Variants in HEG1 observed in about 807,000 individuals in gnomAD.
HEG1 encodes the protein heart development protein with EGF like domains 1, also known as protein HEG homolog 1.
A neutral mutation model predicts 125.6 loss-of-function variants in HEG1; 56 were observed. That is an observed-to-expected ratio of 0.45 (90% CI 0.36 to 0.56). The LOEUF (loss-of-function observed/expected upper bound fraction) is 0.56, where lower values mean the gene tolerates loss of function less well. HEG1 is among the 20% of genes least tolerant of loss of function. The probability of loss-of-function intolerance (pLI) is 0.00; values close to 1 mark genes in which losing one functional copy is unlikely to be tolerated. For missense variants in HEG1, 1,523 were observed against 1,670.0 expected (o/e 0.91, Z 1.53); for synonymous variants, 644 against 668.5 (o/e 0.96, Z 0.57).
chr3:124,991,125 C>A, intron 12 of HEG1, 139 bp from the exon 13 acceptor site: 1 of 646,660 alleles, frequency 1.5e-6, no homozygotes, highest in Non-Finnish European at 2.7e-6. Context: ...ATGATCCTCA[C>A]TTAAATACTG....
intron 15 of HEG1, among the ~76,000 whole-genome samples, chr3:124,976,840 T>C (rs6790780): frequency 0.35 from 53,648 of 152,028 alleles, 10,368 homozygotes; most frequent in African/African-American, 0.51. Flanking sequence ...CTTCATCTTC[T>C]TCCAGGAGTG....
intron 1 of HEG1, among the ~76,000 whole-genome samples, chr3:125,051,044 G>A (rs573401348): frequency 2.0e-4 from 31 of 152,338 alleles, no homozygotes; most frequent in African/African-American, 6.7e-4. Context: ...GTTCCCAGGA[G>A]AGGGCCCATT....
intron 12 of HEG1, among the ~76,000 whole-genome samples, chr3:124,992,994 A>G (rs943745073): frequency 6.6e-6 from 1 of 152,224 alleles, no homozygotes. Context: ...CTTTGCTACA[A>G]TACCACTCAG....
At chr3:124,999,992 C>T (rs1414124128) in intron 11 of HEG1, among the ~76,000 whole-genome samples, 2 of 152,194 alleles carry the variant, frequency 1.3e-5, no homozygotes, top group African/African-American at 2.4e-5. Flanking sequence ...CAGCACTGCC[C>T]TTATGCTGGA....
At chr3:124,989,028 T>A (rs999817561) in intron 14 of HEG1, among the ~76,000 whole-genome samples, 4 of 152,200 alleles carry the variant, frequency 2.6e-5, no homozygotes, top group African/African-American at 9.6e-5. Context: ...GAGGCTATCT[T>A]CTGTAACCTC....
intron 14 of HEG1, among the ~76,000 whole-genome samples, chr3:124,986,770 CAGAG>C (rs1326355704): frequency 5.9e-5 from 9 of 152,156 alleles, no homozygotes; most frequent in Non-Finnish European, 1.2e-4. Context: ...TCTGAGGAAT[CAGAG>C]AGAAATCTTG....
intron 8 of HEG1, among the ~76,000 whole-genome samples, chr3:125,006,956 T>C (rs575692408): frequency 1.6e-4 from 25 of 151,966 alleles, no homozygotes; most frequent in African/African-American, 5.8e-4. Flanking sequence ...TCCCAGCACT[T>C]TGGGAGGCCG....
intron 1 of HEG1, among the ~76,000 whole-genome samples, chr3:125,044,535 G>A (rs539123216): frequency 3.0e-4 from 46 of 152,210 alleles, no homozygotes; most frequent in South Asian, 2.7e-3. Context: ...CCATCCTCAC[G>A]ACAGCCTTAT....
chr3:125,051,359 G>A (rs1480021551), intron 1 of HEG1, among the ~76,000 whole-genome samples: 1 of 152,198 alleles, frequency 6.6e-6, no homozygotes, highest in Non-Finnish European at 1.5e-5. Flanking sequence ...ATGATGAGCA[G>A]GAGAGGATCT....
chr3:125,018,834 G>A (rs945146668), intron 5 of HEG1, among the ~76,000 whole-genome samples: 9 of 151,586 alleles, frequency 5.9e-5, no homozygotes, highest in African/African-American at 2.2e-4. Flanking sequence ...GAAGGTGGAG[G>A]GGCCTGAGGA....
rs1203862825 is a variant in HEG1 at position 124,990,985 on chromosome 3, T to C, written c.3654A>G (p.Ala1218=). The change falls in exon 13 of 17, where the codon GCA becomes GCG. Residue 1218 remains alanine (A), a splice_region_variant and synonymous_variant. Coordinates refer to ENST00000311127, the MANE Select transcript of HEG1 (RefSeq NM_020733.2). ...TTTCAAGCCTATATCCATCTTCACA[T>C]GCTGAAAGACAAAAGGAAAATGCAT... ...QFNKMDHSCR[A]CEDGYRLENE... The C allele has an allele frequency of 1.3e-6, 2 of 1,556,796 alleles. No individual in the cohort carries two copies. The highest frequency in any genetic ancestry group is 1.9e-5 in the Admixed American group (1 of 51,512).
intron 5 of HEG1, chr3:125,015,114 C>T (rs1937225936): frequency 1.3e-6 from 1 of 768,638 alleles, no homozygotes; most frequent in African/African-American, 1.8e-5. Context: ...AAGACGCTCC[C>T]CTGTACTTTT....
rs140238653 is a variant in HEG1, at chr3:124,983,605, G to C, written c.3734-5659C>G. Among the ~76,000 whole-genome samples, 302 of 152,038 alleles carry C rather than the reference G, an allele frequency of 2.0e-3. 2 individuals are homozygous for C. The highest frequency in any genetic ancestry group is 7.0e-3 in the African/African-American group (289 of 41,452). ...CCGCCTCGGCCTCCTAAAGTGCTGG[G>C]ATTACAGGTGTGAGCCACCGCACTC... On this transcript the variant is annotated intron_variant, in intron 14 of 16. Coordinates refer to ENST00000311127, the MANE Select transcript of HEG1 (RefSeq NM_020733.2).
chr3:125,002,659 C>T (rs6795558), intron 9 of HEG1, among the ~76,000 whole-genome samples: 57,977 of 152,062 alleles, frequency 0.38, 12,745 homozygotes, highest in African/African-American at 0.61. Flanking sequence ...TATTTGGACT[C>T]TGCATAGTGA....
At chr3:125,014,531 G>A (rs1166836244) in intron 5 of HEG1, among the ~76,000 whole-genome samples, 1 of 152,176 alleles carries the variant, frequency 6.6e-6, no homozygotes, top group Non-Finnish European at 1.5e-5. Context: ...TGGAGGGCTG[G>A]GGGTGGGAAC....
intron 1 of HEG1, among the ~76,000 whole-genome samples, chr3:125,043,686 C>T (rs768661156): frequency 9.2e-5 from 14 of 152,158 alleles, no homozygotes; most frequent in Non-Finnish European, 1.8e-4. Flanking sequence ...TCCCAGTCCC[C>T]TCTGGACGCG....
At chr3:125,026,579 A>G (rs1049776026) in intron 3 of HEG1, among the ~76,000 whole-genome samples, 2 of 152,120 alleles carry the variant, frequency 1.3e-5, no homozygotes, top group Non-Finnish European at 2.9e-5. Flanking sequence ...AAAAATGTAC[A>G]CTCATGTTTT....
At chr3:125,017,305 T>G (rs1423664883) in intron 5 of HEG1, among the ~76,000 whole-genome samples, 4 of 152,248 alleles carry the variant, frequency 2.6e-5, no homozygotes, top group Non-Finnish European at 5.9e-5. Flanking sequence ...TTCACCCGCC[T>G]TGACCTCCCA....
At position 124,966,122 on chromosome 3, in the gene HEG1, C is replaced by T. The variant is rs10934704; in HGVS notation, c.*4530G>A. The stretch of plus-strand genomic sequence containing the variant: ...GGATTAGTTTCCCAGGCAGAACTGA[C>T]TCCATCCCATCCCTGGCCTATCCCA... On this transcript the variant is annotated 3_prime_UTR_variant, in exon 17 of 17. Coordinates refer to ENST00000311127, the MANE Select transcript of HEG1 (RefSeq NM_020733.2). The T allele has an allele frequency of 0.99, 150,707 of 152,358 alleles. 74,558 individuals are homozygous for T. The highest frequency in any genetic ancestry group is 1 in the Middle Eastern group (294 of 294). The allele number at this position is 152,358 out of a possible 1,614,324, so 9.4% of individuals were successfully genotyped here.
Sources: gnomAD v4.1 joint callset for allele counts (sites outside exome capture counted in the v4.1 genomes callset) on GRCh38, gnomAD v4.1.1 for gene constraint, MANE v1.5 for transcripts, NCBI Gene and HGNC (gene_info 2026-07-23, HGNC 2026-07-21) for gene names.